The following RELN variants were observed in gnomAD, a reference collection of about 807,000 sequenced individuals.
RELN encodes the protein reelin.
In RELN, 108 loss-of-function variants were observed where a neutral mutation model predicts 427.6. That is an observed-to-expected ratio of 0.25 (90% confidence interval 0.22 to 0.30). RELN has a LOEUF of 0.30. Ranked by LOEUF, RELN falls within the 10% of genes least tolerant of loss-of-function variation. RELN has a pLI of 1.00. For missense variants in RELN, 3,715 were observed against 4,302.8 expected, an observed-to-expected ratio of 0.86 and a Z score of 3.82; for synonymous variants, 1,524 against 1,513.4, an observed-to-expected ratio of 1.01 and a Z score of -0.16.
At chr7:103,960,645 G>C (rs900338257) in intron 1 of RELN, among the ~76,000 whole-genome samples, 3 of 152,134 alleles carry the variant, frequency 2.0e-5, no homozygotes, top group African/African-American at 7.2e-5. Flanking sequence ...AGCAGGATTA[G>C]AGCAAATGCT....
intron 6 of RELN, among the ~76,000 whole-genome samples, chr7:103,739,018 A>T (rs1286210600): frequency 6.6e-6 from 1 of 152,052 alleles, no homozygotes; most frequent in Non-Finnish European, 1.5e-5. Flanking sequence ...TTTGAGATTC[A>T]TCCATGTTGT....
intron 20 of RELN, among the ~76,000 whole-genome samples, chr7:103,621,500 T>C (rs1403318621): frequency 6.6e-6 from 1 of 151,762 alleles, no homozygotes. Flanking sequence ...CCAAAAGGAG[T>C]AATGGAAGAG....
At chr7:103,859,823 T>C (rs887769141) in intron 2 of RELN, among the ~76,000 whole-genome samples, 1 of 152,140 alleles carries the variant, frequency 6.6e-6, no homozygotes, top group Non-Finnish European at 1.5e-5. Context: ...AAGTGGAGCA[T>C]AGAACACAGT....
intron 4 of RELN, among the ~76,000 whole-genome samples, chr7:103,756,299 G>A (rs559900987): frequency 1.4e-4 from 21 of 152,182 alleles, no homozygotes; most frequent in Non-Finnish European, 1.9e-4. Flanking sequence ...ATCTCTGAGG[G>A]TGGAGGCCCG....
At chr7:103,484,602 T>C (rs887823674) in intron 61 of RELN, 1 of 152,398 alleles carries the variant, frequency 6.6e-6, no homozygotes, top group Non-Finnish European at 1.5e-5. Context: ...TATTGTCTTC[T>C]ATATTATACA....
chr7:103,687,089 C>A (rs765821298), intron 10 of RELN, among the ~76,000 whole-genome samples: 7 of 151,950 alleles, frequency 4.6e-5, no homozygotes, highest in African/African-American at 1.5e-4. Context: ...CTTTGTACTA[C>A]GATTTTTAAA....
intron 6 of RELN, among the ~76,000 whole-genome samples, chr7:103,746,644 C>T (rs1790840007): frequency 6.6e-6 from 1 of 152,120 alleles, no homozygotes; most frequent in South Asian, 2.1e-4. Context: ...ATTTATGCAG[C>T]CAACAGATAC....
chr7:103,723,321 T>C (rs925193847), intron 7 of RELN, 130 bp from the exon 8 acceptor site: 1 of 675,932 alleles, frequency 1.5e-6, no homozygotes, highest in Non-Finnish European at 2.7e-6. Context: ...AGAAGTTGCA[T>C]TTATCCAGTT....
chr7:103,848,050 C>T (rs1793724109), intron 2 of RELN, among the ~76,000 whole-genome samples: 1 of 152,168 alleles, frequency 6.6e-6, no homozygotes, highest in African/African-American at 2.4e-5. Flanking sequence ...TATAACATTG[C>T]TAGGGATAAT....
At chr7:103,705,312 C>T (rs1405312982) in intron 8 of RELN, among the ~76,000 whole-genome samples, 2 of 152,038 alleles carry the variant, frequency 1.3e-5, no homozygotes, top group Non-Finnish European at 2.9e-5. Context: ...TTCTGTGTGT[C>T]TTTTCATTTC....
intron 2 of RELN, among the ~76,000 whole-genome samples, chr7:103,856,169 T>G (rs1171212606): frequency 6.6e-6 from 1 of 152,178 alleles, no homozygotes; most frequent in Non-Finnish European, 1.5e-5. Context: ...CTGTTTGATT[T>G]TACCATTCAA....
At chr7:103,976,506 C>T (rs564675420) in intron 1 of RELN, among the ~76,000 whole-genome samples, 63 of 152,222 alleles carry the variant, frequency 4.1e-4, no homozygotes, top group Admixed American at 6.5e-4. Context: ...AGCAGGACTT[C>T]GGAATGGAAC....
chr7:103,761,061 T>G (rs1791286555), intron 4 of RELN, among the ~76,000 whole-genome samples: 1 of 152,198 alleles, frequency 6.6e-6, no homozygotes, highest in Non-Finnish European at 1.5e-5. Context: ...TAAAGACAGC[T>G]AAATTATACA....
At chr7:103,728,566 A>G (rs1790271954) in intron 6 of RELN, among the ~76,000 whole-genome samples, 1 of 152,146 alleles carries the variant, frequency 6.6e-6, no homozygotes, top group South Asian at 2.1e-4. Context: ...ATGTCATAGC[A>G]GGCATTTAAT....
chr7:103,935,583 C>T lies in RELN; in HGVS notation c.227-18398G>A, dbSNP rs117496913. 2.4e-3 allele frequency among the ~76,000 whole-genome samples: 371 copies of T among 152,198 alleles called. 3 individuals carry two copies. The East Asian group carries it at 0.031, about 13-fold the overall frequency. On this transcript the variant is annotated intron_variant, in intron 1 of 64. Coordinates refer to ENST00000428762, the MANE Select transcript of RELN (RefSeq NM_005045.4). ...CAGGCAGTTGCAGCATCTTACATGC[C>T]ATCTACATGCCAAAGGATCCCAAAT...
At chr7:103,656,862 C>T (rs916023737) in intron 12 of RELN, among the ~76,000 whole-genome samples, 21 of 152,010 alleles carry the variant, frequency 1.4e-4, no homozygotes, top group African/African-American at 4.3e-4. Flanking sequence ...TATCTCTTTT[C>T]GTCCCTTAAC....
Position 103,491,856 on chromosome 7 carries a change from T to TCTCA in RELN, c.9443+96_9443+97insTGAG, listed in dbSNP as rs57217576. The TCTCA allele has an allele frequency of 5.3e-3, 1,523 of 287,202 alleles. 3 individuals are homozygous for TCTCA. Among genetic ancestry groups the TCTCA allele is most frequent in the Admixed American group, 5.1e-3 (116 of 22,528 alleles). 17.8% of individuals were successfully genotyped at this position (287,202 alleles called of 1,614,324 possible). On this transcript the variant is annotated intron_variant, in intron 58 of 64. Coordinates refer to ENST00000428762, the MANE Select transcript of RELN (RefSeq NM_005045.4). ...CTCTCTCTCTCTCTCTCTCTCTCTC[T>TCTCA]CACACACACACACACACACACACAC... is the stretch of plus-strand genomic sequence containing the variant.
At chr7:103,637,964 C>A (rs1832618691) in intron 17 of RELN, among the ~76,000 whole-genome samples, 1 of 152,120 alleles carries the variant, frequency 6.6e-6, no homozygotes, top group African/African-American at 2.4e-5. Context: ...AGATGACTCA[C>A]ATTGGAGTCA....
chr7:103,684,720 C>T (rs2115710544), intron 10 of RELN, among the ~76,000 whole-genome samples: 1 of 152,200 alleles, frequency 6.6e-6, no homozygotes, highest in South Asian at 2.1e-4. Flanking sequence ...ATAATATCTA[C>T]CTGCTAGAGG....
Sources: gnomAD v4.1 joint callset for allele counts (sites outside exome capture counted in the v4.1 genomes callset) on GRCh38, gnomAD v4.1.1 for gene constraint, MANE v1.5 for transcripts, NCBI Gene and HGNC (gene_info 2026-07-23, HGNC 2026-07-21) for gene names.